Variants in CFAP74 observed in about 807,000 individuals in gnomAD.
The protein encoded by CFAP74 is cilia- and flagella-associated protein 74.
Under a neutral mutation model 188.9 loss-of-function variants are expected in CFAP74, and 124 were observed. That is an observed-to-expected ratio of 0.66 (90% CI 0.57 to 0.76). The LOEUF is 0.76. CFAP74 is among the 30% of genes least tolerant of loss of function. The pLI is 0.00. For missense variants in CFAP74, 2,198 were observed against 2,165.2 expected (o/e 1.02, Z -0.30); for synonymous variants, 956 against 916.7 (o/e 1.04, Z -0.77).
intron 18 of CFAP74, among the ~76,000 whole-genome samples, chr1:1,952,663 A>AT (rs576484834): frequency 0.078 from 11,508 of 147,686 alleles, 1,394 homozygotes; most frequent in African/African-American, 0.26. Context: ...ACAAGACTCA[A>AT]TTTTTTTTTT....
At chr1:1,960,887 G>A (rs907112538) in intron 14 of CFAP74, among the ~76,000 whole-genome samples, 11 of 152,186 alleles carry the variant, frequency 7.2e-5, no homozygotes, top group Admixed American at 2.0e-4. Flanking sequence ...CCCTTCAGAT[G>A]ACAGAAGCGT....
chr1:1,969,458 C>T (rs1558039547), intron 10 of CFAP74, among the ~76,000 whole-genome samples: 2 of 148,304 alleles, frequency 1.3e-5, no homozygotes, highest in African/African-American at 5.0e-5. Flanking sequence ...CTGCCCAGCC[C>T]TGCCCAGCCC....
chr1:1,926,307 A>G lies in CFAP74; in HGVS notation c.3869T>C (p.Leu1290Pro). The change falls in exon 32 of 39, where the codon CTG (leucine) becomes CCG (proline). Residue 1290 changes from leucine (L) to proline (P), a missense_variant. Physicochemically the swap from Leu to Pro is moderately conservative, Grantham distance 98. Coordinates refer to ENST00000682832, the MANE Select transcript of CFAP74 (RefSeq NM_001304360.2). ...SLLNPNGPFVLLNHSSLLRAG... is the reference protein window; with the variant it reads ...SLLNPNGPFVPLNHSSLLRAG... ...ACGCAGCAGGCTGGAGTGGTTCAGC[A>G]GGACAAAGGGGCCGTTGGGGTTCAG... 4 of 1,547,272 alleles carry G rather than the reference A, an allele frequency of 2.6e-6. No homozygotes were observed. Among genetic ancestry groups the G allele is most frequent in the Non-Finnish European group, 3.5e-6 (4 of 1,145,144 alleles).
intron 1 of CFAP74, among the ~76,000 whole-genome samples, chr1:1,995,994 T>C (rs900696864): frequency 6.6e-6 from 1 of 152,128 alleles, no homozygotes; most frequent in Non-Finnish European, 1.5e-5. Context: ...GTTTTTGTTT[T>C]TGTTTTTTGA....
chr1:1,994,657 C>T (rs1240495903), intron 1 of CFAP74, among the ~76,000 whole-genome samples: 3 of 152,316 alleles, frequency 2.0e-5, no homozygotes, highest in South Asian at 2.1e-4. Flanking sequence ...ATGCGGCCTC[C>T]GCGACGTCAT....
chr1:1,923,739 C>A lies in CFAP74; in HGVS notation c.4389+36G>T, dbSNP rs372199260. On this transcript the variant is annotated intron_variant, in intron 35 of 38. Transcript: ENST00000682832. The surrounding 1 kb of genome is among the most constrained non-coding windows in gnomAD (Gnocchi z 6.3). ...GGCAAGGCCCTGCGTGGGGCCAGGG[C>A]CGGGCCGGGCTGAGCTTGCAGAGCC... is the stretch of plus-strand genomic sequence containing the variant. The A allele has an allele frequency of 6.2e-7, 1 of 1,612,536 alleles. No homozygotes were observed. The highest frequency in any genetic ancestry group is 8.5e-7 in the Non-Finnish European group (1 of 1,179,664).
At chr1:1,974,795 G>A (rs574029640) in intron 6 of CFAP74, among the ~76,000 whole-genome samples, 2 of 152,366 alleles carry the variant, frequency 1.3e-5, no homozygotes, top group African/African-American at 4.8e-5. Flanking sequence ...CACAACTCAG[G>A]GAAATTTCCG....
chr1:1,959,849 T>C lies in CFAP74; in HGVS notation c.1761+115A>G, dbSNP rs1654944268. The C allele has an allele frequency of 4.7e-6, 4 of 845,828 alleles. No individual in the cohort carries two copies. In the South Asian group the frequency reaches 7.5e-5, roughly 16 times the overall value. 52.4% of individuals were successfully genotyped at this position (845,828 alleles called of 1,614,324 possible). ...AGCAAAACAGGGGCCTGCGTGATCC[T>C]CACTGAGAGGCCAAGTGCATCCTTC... On this transcript the variant is annotated intron_variant, in intron 15 of 38. Coordinates refer to ENST00000682832, the MANE Select transcript of CFAP74 (RefSeq NM_001304360.2).
intron 1 of CFAP74, among the ~76,000 whole-genome samples, chr1:1,992,625 C>G (rs1015339286): frequency 5.3e-5 from 8 of 151,810 alleles, no homozygotes; most frequent in Non-Finnish European, 1.2e-4. Context: ...AGGCGCCCAC[C>G]ACTACGCCCA....
intron 14 of CFAP74, among the ~76,000 whole-genome samples, chr1:1,962,290 A>G (rs1401971776): frequency 1.3e-5 from 2 of 152,090 alleles, no homozygotes; most frequent in East Asian, 1.9e-4. Context: ...AGCCTGGCCA[A>G]CATGGTGAAA....
At chr1:1,925,223 C>T (rs1419487276) in intron 33 of CFAP74, among the ~76,000 whole-genome samples, 4 of 143,916 alleles carry the variant, frequency 2.8e-5, no homozygotes, top group African/African-American at 5.4e-5. Flanking sequence ...GGCATGAGGG[C>T]ACACGCTGGT....
chr1:1,970,495 G>A (rs1354482014), intron 10 of CFAP74, among the ~76,000 whole-genome samples, 164 bp downstream of exon 10: 2 of 152,186 alleles, frequency 1.3e-5, no homozygotes, highest in Admixed American at 6.5e-5. Flanking sequence ...GGCAGGGCAA[G>A]GGTAGCAGCC....
At chr1:1,978,263 G>A (rs886641955) in intron 6 of CFAP74, among the ~76,000 whole-genome samples, 7 of 152,224 alleles carry the variant, frequency 4.6e-5, no homozygotes, top group East Asian at 3.9e-4. Flanking sequence ...CGGACTGCGC[G>A]GGGGCCTGGC....
Position 1,926,639 on chromosome 1 carries a change from CT to C in CFAP74, c.3772+12del. ...CACCGGGGTGGAGGTGTGGGCGGGG[CT>C]TAGCGTCTCACCCACAGCGACGTCG... On this transcript the variant is annotated intron_variant, in intron 30 of 38. Coordinates refer to ENST00000682832, the MANE Select transcript of CFAP74 (RefSeq NM_001304360.2). 6.5e-7 allele frequency: 1 copy of C among 1,548,890 alleles called. No individual in the cohort carries two copies. Among genetic ancestry groups the C allele is most frequent in the South Asian group, 1.2e-5 (1 of 84,032 alleles).
intron 23 of CFAP74, 116 bp downstream of exon 23, chr1:1,940,200 G>C (rs981388693): frequency 3.1e-5 from 25 of 800,276 alleles, no homozygotes; most frequent in Non-Finnish European, 4.8e-5. Context: ...CTCCTGGAAG[G>C]CAAGTGAGGA....
In CFAP74 at chr1:1,988,675, C is replaced by T. The variant is rs1657389627; in HGVS notation, c.153-20G>A. The T allele has an allele frequency of 6.2e-7, 1 of 1,602,326 alleles. No homozygotes were observed. Among genetic ancestry groups the T allele is most frequent in the Non-Finnish European group, 8.5e-7 (1 of 1,179,670 alleles). On this transcript the variant is annotated intron_variant, in intron 3 of 38. Transcript: ENST00000682832. ...ACTGAGCTTAGGATGAAAAGGACGT[C>T]AGCTGCCACCACCCCAGCTGCAGGC... is the stretch of plus-strand genomic sequence containing the variant.
intron 1 of CFAP74, among the ~76,000 whole-genome samples, chr1:1,991,840 C>T (rs528465858): frequency 2.0e-3 from 302 of 152,020 alleles, no homozygotes; most frequent in Non-Finnish European, 2.7e-3. Context: ...GAGATCGAGA[C>T]TATCCTGGCT....
intron 21 of CFAP74, among the ~76,000 whole-genome samples, chr1:1,943,368 C>T (rs1217326393): frequency 6.6e-6 from 1 of 152,234 alleles, no homozygotes; most frequent in African/African-American, 2.4e-5. Context: ...CCGGCCCATG[C>T]CGGGCCCACA....
chr1:2,002,783 A>G (rs2102125919), intron 1 of CFAP74, among the ~76,000 whole-genome samples: 1 of 150,100 alleles, frequency 6.7e-6, no homozygotes, highest in African/African-American at 2.4e-5. Flanking sequence ...TTTATATTAT[A>G]TATTGTTTAT....
Sources: gnomAD v4.1 joint callset for allele counts (sites outside exome capture counted in the v4.1 genomes callset) on GRCh38, gnomAD v4.1.1 for gene constraint, Gnocchi (gnomAD v3.1) non-coding constraint, MANE v1.5 for transcripts, NCBI Gene and HGNC (gene_info 2026-07-23, HGNC 2026-07-21) for gene names.